WDR89: variants seen among roughly 807,000 people sequenced by gnomAD.
The protein encoded by WDR89 is WD repeat domain 89, also known as WD repeat-containing protein 89.
In WDR89, 17 loss-of-function variants were observed where a neutral mutation model predicts 29.1. The observed-to-expected ratio is 0.58, with a 90% CI of 0.40 to 0.88. The LOEUF is 0.88. Ranked by LOEUF, WDR89 falls within the 40% of genes least tolerant of loss-of-function variation. WDR89 has a pLI of 0.00. For missense variants in WDR89, 396 were observed against 456.3 expected (o/e 0.87, Z 1.20); for synonymous variants, 138 against 157.8 (o/e 0.87, Z 0.94).
At chr14:63,612,753 C>T (rs1882070391) in intron 2 of WDR89, among the ~76,000 whole-genome samples, 1 of 152,090 alleles carries the variant, frequency 6.6e-6, no homozygotes, top group South Asian at 2.1e-4. Flanking sequence ...AGTTGGTAGG[C>T]AACCTCAAAA....
At chr14:63,615,211 T>G (rs1312780874) in intron 2 of WDR89, among the ~76,000 whole-genome samples, 1 of 152,222 alleles carries the variant, frequency 6.6e-6, no homozygotes, top group Non-Finnish European at 1.5e-5. Context: ...AACGTCACCC[T>G]TTACGGTAAT....
chr14:63,616,460 C>T (rs1027108691), intron 2 of WDR89, among the ~76,000 whole-genome samples: 1 of 151,894 alleles, frequency 6.6e-6, no homozygotes, highest in Non-Finnish European at 1.5e-5. Context: ...TAAAAAATAA[C>T]AACATAGGGT....
chr14:63,606,607 T>A lies in WDR89; in HGVS notation c.-31-6634A>T, dbSNP rs192327683. 5.0e-4 allele frequency among the ~76,000 whole-genome samples: 76 copies of A among 152,336 alleles called. 1 individual carries two copies. The highest frequency in any genetic ancestry group is 1.6e-3 in the African/African-American group (65 of 41,574). On this transcript the variant is annotated intron_variant, in intron 2 of 2. Coordinates refer to ENST00000620954, the MANE Select transcript of WDR89 (RefSeq NM_080666.4). ...CGTACAGCTCAAGTATGTAGTAGGC[T>A]ATACTATCTAGGTTGGGTAAGTACA...
rs754505324 is a variant in WDR89 at position 63,599,979 on chromosome 14, A to T, written c.-31-6T>A. Reference sequence around the variant, plus strand: ...CATCCAAGGGTAGTAAAACTCTGTAAAAAATAATAATAATAAAAATAAAAA... The same window carrying T: ...CATCCAAGGGTAGTAAAACTCTGTATAAAATAATAATAATAAAAATAAAAA... On this transcript the variant is annotated splice_polypyrimidine_tract_variant and splice_region_variant and intron_variant, in intron 2 of 2. Transcript: ENST00000620954. 12 of 1,349,726 alleles carry T rather than the reference A, an allele frequency of 8.9e-6. 1 individual carries two copies. The African/African-American group carries it at 1.8e-4, about 20-fold the overall frequency. The allele number at this position is 1,349,726 out of a possible 1,614,324, so 83.6% of individuals were successfully genotyped here.
chr14:63,599,364 G>A lies in WDR89; in HGVS notation c.579C>T (p.Gly193=), dbSNP rs1351340514. Reference sequence around the variant, plus strand: ...TATTAATATCAAATACATTTACCAGGCCATCAGATGAACCTGAGACTACCA... The same window carrying A: ...TATTAATATCAAATACATTTACCAGACCATCAGATGAACCTGAGACTACCA... ...PNMVVSGSSD[G]LVNVFDINID... is the part of the protein sequence containing the mutation. Residue 193 remains glycine (G), a synonymous_variant, in exon 3 of 3, where the codon GGC becomes GGT. Coordinates refer to ENST00000620954, the MANE Select transcript of WDR89 (RefSeq NM_080666.4). The A allele has an allele frequency of 3.7e-6, 6 of 1,614,006 alleles. No individual in the cohort carries two copies. In the South Asian group the frequency reaches 5.5e-5, roughly 15 times the overall value.
In WDR89 at chr14:63,598,008, A is replaced by C. The variant is rs927692277; in HGVS notation, c.*771T>G. 6.6e-6 allele frequency: 1 copy of C among 152,224 alleles called. No individual in the cohort carries two copies. Among genetic ancestry groups the C allele is most frequent in the Admixed American group, 6.5e-5 (1 of 15,268 alleles). The allele number at this position is 152,224 out of a possible 1,614,324, so 9.4% of individuals were successfully genotyped here. The stretch of plus-strand genomic sequence containing the variant: ...GTGAAATGGCACAGGACTTGGTGAA[A>C]AACTGGTTAGGAGAAGAGGAAAGAG... On this transcript the variant is annotated 3_prime_UTR_variant, in exon 3 of 3. Coordinates refer to ENST00000620954, the MANE Select transcript of WDR89 (RefSeq NM_080666.4).
chr14:63,598,059 A>C lies in WDR89; in HGVS notation c.*720T>G, dbSNP rs1894872596. 6.6e-6 allele frequency: 1 copy of C among 152,230 alleles called. No homozygotes were observed. 9.4% of individuals were successfully genotyped at this position (152,230 alleles called of 1,614,324 possible). ...AAAAGCCCAGGTTATCCTCAGATTTATGGTTTGGACAACAGGAAGAATAGC... is the reference window on the plus strand; with the variant it reads ...AAAAGCCCAGGTTATCCTCAGATTTCTGGTTTGGACAACAGGAAGAATAGC... On this transcript the variant is annotated 3_prime_UTR_variant, in exon 3 of 3. Coordinates refer to ENST00000620954, the MANE Select transcript of WDR89 (RefSeq NM_080666.4).
intron 2 of WDR89, among the ~76,000 whole-genome samples, chr14:63,620,602 G>A (rs376345060): frequency 6.6e-6 from 1 of 151,932 alleles, no homozygotes; most frequent in Non-Finnish European, 1.5e-5. Flanking sequence ...TTGCTAAGAG[G>A]GGGCAGGCAC....
intron 2 of WDR89, among the ~76,000 whole-genome samples, chr14:63,623,021 A>G (rs1037381329): frequency 2.6e-5 from 4 of 151,056 alleles, no homozygotes; most frequent in Admixed American, 2.6e-4. Context: ...CAAAATGGCA[A>G]AACTCCATCT....
intron 1 of WDR89, among the ~76,000 whole-genome samples, chr14:63,637,755 A>C (rs1883829328): frequency 6.6e-6 from 1 of 152,092 alleles, no homozygotes; most frequent in Non-Finnish European, 1.5e-5. Flanking sequence ...CTAAGCTATG[A>C]GGACACAAAG....
chr14:63,639,684 C>T (rs28575623), intron 1 of WDR89, among the ~76,000 whole-genome samples: 28,039 of 152,106 alleles, frequency 0.18, 5,349 homozygotes, highest in African/African-American at 0.49. Context: ...ATATCTTAAA[C>T]ACATGGAAAT....
chr14:63,620,520 G>T (rs944378778), intron 2 of WDR89, among the ~76,000 whole-genome samples: 3 of 152,096 alleles, frequency 2.0e-5, no homozygotes, highest in African/African-American at 4.8e-5. Context: ...CTTGGAAAGA[G>T]GAGTAAGTTC....
intron 2 of WDR89, among the ~76,000 whole-genome samples, chr14:63,604,764 CCTAA>C (rs755348682): frequency 1.4e-4 from 22 of 152,262 alleles, no homozygotes; most frequent in Non-Finnish European, 2.8e-4. Flanking sequence ...TACATTAATG[CCTAA>C]CTGATTCAAC....
chr14:63,599,973 T>C lies in WDR89; in HGVS notation c.-31A>G, dbSNP rs751227110. On this transcript the variant is annotated splice_region_variant and 5_prime_UTR_variant, in exon 3 of 3. Transcript: ENST00000620954. ...CAGCAGCATCCAAGGGTAGTAAAAC[T>C]CTGTAAAAAATAATAATAATAAAAA... The C allele has an allele frequency of 7.2e-7, 1 of 1,396,304 alleles. No individual in the cohort carries two copies. The highest frequency in any genetic ancestry group is 9.4e-7 in the Non-Finnish European group (1 of 1,062,062). The allele number at this position is 1,396,304 out of a possible 1,614,324, so 86.5% of individuals were successfully genotyped here. A position where few individuals can be genotyped will look rare whatever the true frequency, so the allele number is the denominator to read the frequency against.
chr14:63,639,639 A>G (rs1263154024), intron 1 of WDR89, among the ~76,000 whole-genome samples: 1 of 152,222 alleles, frequency 6.6e-6, no homozygotes, highest in Non-Finnish European at 1.5e-5. Context: ...CAGATTTATC[A>G]AAATTCTCTT....
At chr14:63,600,718 A>T (rs10524459) in intron 2 of WDR89, among the ~76,000 whole-genome samples, 1 of 31,072 alleles carries the variant, frequency 3.2e-5, no homozygotes, top group Non-Finnish European at 5.2e-5. Flanking sequence ...ATATGTAGGC[A>T]AAAAAAAAAA....
chr14:63,625,392 C>T (rs1406415840), intron 1 of WDR89, among the ~76,000 whole-genome samples: 1 of 126,680 alleles, frequency 7.9e-6, no homozygotes, highest in African/African-American at 4.2e-5. Flanking sequence ...GTGTATTCAT[C>T]AAACTACATA....
rs539498931 is a variant in WDR89, at chr14:63,635,809, T to C, written c.-138+5995A>G. On this transcript the variant is annotated intron_variant, in intron 1 of 2. Transcript: ENST00000620954. ...TGGATACAAGATTAATGTACACAAA[T>C]CAGTAGCTCTTCTATACATCAACAG... 4.6e-5 allele frequency among the ~76,000 whole-genome samples: 7 copies of C among 152,266 alleles called. No individual in the cohort carries two copies. In the South Asian group the frequency reaches 1.2e-3, roughly 27 times the overall value.
At chr14:63,627,112 CTT>C (rs1883111452) in intron 1 of WDR89, among the ~76,000 whole-genome samples, 1 of 146,086 alleles carries the variant, frequency 6.8e-6, no homozygotes, top group East Asian at 2.0e-4. Flanking sequence ...CAGAATAAGA[CTT>C]TGTCTCTAAA....
Sources: gnomAD v4.1 joint callset for allele counts (sites outside exome capture counted in the v4.1 genomes callset) on GRCh38, gnomAD v4.1.1 for gene constraint, MANE v1.5 for transcripts, NCBI Gene and HGNC (gene_info 2026-07-23, HGNC 2026-07-21) for gene names.